RMC1: variants seen among roughly 807,000 people sequenced by gnomAD.
RMC1 encodes regulator of MON1-CCZ1.
Under a neutral mutation model 95.5 loss-of-function variants are expected in RMC1, and 44 were observed. The ratio of observed to expected loss-of-function variants is 0.46; its 90% CI spans 0.36 to 0.59. The LOEUF is 0.59. Ranked by LOEUF, RMC1 falls within the 20% of genes least tolerant of loss-of-function variation. RMC1 has a pLI of 0.00. For synonymous variants in RMC1, 320 were observed against 303.6 expected, an observed-to-expected ratio of 1.05 and a Z score of -0.56; for missense variants, 705 against 819.6, an observed-to-expected ratio of 0.86 and a Z score of 1.71.
At chr18:23,510,503 C>T (rs1297576734) in intron 5 of RMC1, among the ~76,000 whole-genome samples, 2 of 152,004 alleles carry the variant, frequency 1.3e-5, no homozygotes, top group Admixed American at 1.3e-4. Flanking sequence ...CAAAAATTAG[C>T]CAGGTTGGTG....
chr18:23,503,702 C>T lies in RMC1; in HGVS notation c.84C>T (p.Phe28=), dbSNP rs866265496. 9 of 1,591,878 alleles carry T rather than the reference C, an allele frequency of 5.7e-6. No individual in the cohort carries two copies. Among genetic ancestry groups the T allele is most frequent in the East Asian group, 2.4e-5 (1 of 42,090 alleles). ...EKANPVNCVF[F]DEANKQVFAV... is the part of the protein sequence containing the mutation. ...CGAACCCTGTCAACTGCGTCTTCTTCGATGAGGCCAACAAGCAGGTCCGGC... is the reference window on the plus strand; with the variant it reads ...CGAACCCTGTCAACTGCGTCTTCTTTGATGAGGCCAACAAGCAGGTCCGGC... The change falls in exon 1 of 20, where the codon TTC becomes TTT. Residue 28 remains phenylalanine (F), a synonymous_variant. Coordinates refer to ENST00000269221, the MANE Select transcript of RMC1 (RefSeq NM_013326.5).
chr18:23,503,792 G>C, intron 1 of RMC1, 72 bp downstream of exon 1: 1 of 1,318,582 alleles, frequency 7.6e-7, no homozygotes, highest in South Asian at 1.5e-5. Flanking sequence ...CCGGTCCCGC[G>C]CGACCAGGCC....
chr18:23,503,797 C>G (rs1003561882), intron 1 of RMC1, 77 bp downstream of exon 1: 3 of 1,251,304 alleles, frequency 2.4e-6, no homozygotes, highest in African/African-American at 3.2e-5. Context: ...CCCGCGCGAC[C>G]AGGCCCGAGC....
Position 23,524,422 on chromosome 18 carries a change from CAT to C in RMC1, c.1007-6_1007-5del, listed in dbSNP as rs759077540. 5.5e-5 allele frequency: 88 copies of C among 1,613,914 alleles called. No individual in the cohort carries two copies. The highest frequency in any genetic ancestry group is 1.6e-4 in the Middle Eastern group (1 of 6,062). On this transcript the variant is annotated splice_polypyrimidine_tract_variant and splice_region_variant and intron_variant, in intron 11 of 19. Coordinates refer to ENST00000269221, the MANE Select transcript of RMC1 (RefSeq NM_013326.5). ...TTTCCTGGTTTAGAATTTCCTATAA[CAT>C]GTGGATTCTTCATCTTGGATTGTCT...
At position 23,516,534 on chromosome 18, in the gene RMC1, G is replaced by A. The variant is rs929850604; in HGVS notation, c.653+111G>A. ...ATGCCCTGACCCCTAGAACACATAAGGAGGACTCCCCTTGTTCTGGGTATT... is the reference window on the plus strand; with the variant it reads ...ATGCCCTGACCCCTAGAACACATAAAGAGGACTCCCCTTGTTCTGGGTATT... On this transcript the variant is annotated intron_variant, in intron 7 of 19. Coordinates refer to ENST00000269221, the MANE Select transcript of RMC1 (RefSeq NM_013326.5). The A allele has an allele frequency of 1.2e-5, 13 of 1,069,680 alleles. No homozygotes were observed. In the African/African-American group the frequency reaches 1.4e-4, roughly 12 times the overall value. The allele number at this position is 1,069,680 out of a possible 1,614,324, so 66.3% of individuals were successfully genotyped here. A position where few individuals can be genotyped will look rare whatever the true frequency, so the allele number is the denominator to read the frequency against.
At chr18:23,517,155 T>G (rs553461691) in intron 7 of RMC1, among the ~76,000 whole-genome samples, 57 of 152,268 alleles carry the variant, frequency 3.7e-4, no homozygotes, top group South Asian at 6.2e-4. Context: ...TACTTTTTTT[T>G]TTTGTTTGTT....
intron 10 of RMC1, among the ~76,000 whole-genome samples, chr18:23,521,332 T>C (rs2036536697): frequency 6.6e-6 from 1 of 152,254 alleles, no homozygotes; most frequent in Non-Finnish European, 1.5e-5. Context: ...TATGTTTTAA[T>C]ATTGAATACA....
chr18:23,527,096 T>C (rs2058320441), intron 13 of RMC1, among the ~76,000 whole-genome samples: 1 of 151,922 alleles, frequency 6.6e-6, no homozygotes, highest in Non-Finnish European at 1.5e-5. Flanking sequence ...AAGAATCCCC[T>C]ACTGAGGCCA....
intron 10 of RMC1, 38 bp from the exon 11 acceptor site, chr18:23,524,092 T>C (rs1216443580): frequency 2.5e-6 from 4 of 1,610,332 alleles, no homozygotes; most frequent in Non-Finnish European, 8.5e-7. Flanking sequence ...CAGCATTTTC[T>C]GACTGCATCG....
intron 12 of RMC1, among the ~76,000 whole-genome samples, chr18:23,525,298 A>G (rs1046805840): frequency 1.3e-5 from 2 of 151,972 alleles, no homozygotes; most frequent in African/African-American, 4.8e-5. Context: ...CCCAGCCTGG[A>G]GTGCAGTAGT....
chr18:23,520,310 A>G lies in RMC1; in HGVS notation c.958A>G (p.Thr320Ala), dbSNP rs1027717145. The change falls in exon 10 of 20, where the codon ACA becomes GCA. Residue 320 changes from threonine to alanine, a missense_variant. Coordinates refer to ENST00000269221, the MANE Select transcript of RMC1 (RefSeq NM_013326.5). ...RSIQPYQIPITGPAAVTSQSP... is the reference protein window; with the variant it reads ...RSIQPYQIPIAGPAAVTSQSP... ...GATCCAGCCCTATCAGATCCCCATC[A>G]CAGGTAACACGGGTTCTGTAGAGGA... The G allele has an allele frequency of 3.7e-6, 6 of 1,611,456 alleles. No homozygotes were observed. The South Asian group carries it at 4.4e-5, about 12-fold the overall frequency.
chr18:23,529,061 G>A (rs1598914287), intron 14 of RMC1, 118 bp from the exon 15 acceptor site: 4 of 1,467,644 alleles, frequency 2.7e-6, no homozygotes, highest in Non-Finnish European at 2.7e-6. Flanking sequence ...AGTAGAGAAA[G>A]TGTTTTCCGC....
chr18:23,514,756 C>A (rs2057955122), intron 5 of RMC1, among the ~76,000 whole-genome samples: 1 of 151,950 alleles, frequency 6.6e-6, no homozygotes, highest in Non-Finnish European at 1.5e-5. Context: ...TTAAGGTTAC[C>A]TAGATGGCTT....
intron 5 of RMC1, among the ~76,000 whole-genome samples, chr18:23,511,195 A>G (rs2145156605): frequency 6.6e-6 from 1 of 152,342 alleles, no homozygotes; most frequent in South Asian, 2.1e-4. Flanking sequence ...ATGGAGCTGG[A>G]GGCCATCATC....
intron 5 of RMC1, among the ~76,000 whole-genome samples, chr18:23,515,361 C>T (rs1236777276): frequency 1.3e-5 from 2 of 152,078 alleles, no homozygotes; most frequent in African/African-American, 4.8e-5. Context: ...GCCTCTCAGT[C>T]GTGGCAAAGA....
Position 23,530,176 on chromosome 18 carries a change from A to G in RMC1, c.1599+44A>G, listed in dbSNP as rs752277304. 4 of 1,613,726 alleles carry G rather than the reference A, an allele frequency of 2.5e-6. No homozygotes were observed. The East Asian group carries it at 6.7e-5, about 27-fold the overall frequency. ...TTACTTCCATTGTGGTTAAAAATGG[A>G]AAATTTTAACCGTTATCTTTCCAAC... On this transcript the variant is annotated intron_variant, in intron 17 of 19. Transcript: ENST00000269221.
chr18:23,524,561 T>C, intron 12 of RMC1, 79 bp downstream of exon 12: 1 of 1,432,264 alleles, frequency 7.0e-7, no homozygotes, highest in East Asian at 2.3e-5. Context: ...AGGGACGTTT[T>C]CAAGGTGAAT....
chr18:23,531,779 A>G lies in RMC1; in HGVS notation c.*75A>G. ...GCATTAATAAAGCTCTTTAAACTAT[A>G]AAATGTTATAAAGTGTATCTACAAC... On this transcript the variant is annotated 3_prime_UTR_variant, in exon 20 of 20. Transcript: ENST00000269221. 1 of 1,562,580 alleles carries G rather than the reference A, an allele frequency of 6.4e-7. No individual in the cohort carries two copies.
intron 7 of RMC1, among the ~76,000 whole-genome samples, chr18:23,517,052 TA>T (rs773629985): frequency 1.3e-5 from 2 of 152,146 alleles, no homozygotes; most frequent in Non-Finnish European, 2.9e-5. Context: ...AAAGCTCAGT[TA>T]AATAATAATT....
Sources: gnomAD v4.1 joint callset for allele counts (sites outside exome capture counted in the v4.1 genomes callset) on GRCh38, gnomAD v4.1.1 for gene constraint, MANE v1.5 for transcripts, NCBI Gene and HGNC (gene_info 2026-07-23, HGNC 2026-07-21) for gene names.